Variants in FAM241A observed in about 807,000 individuals in gnomAD.
FAM241A encodes the protein uncharacterized protein FAM241A.
A neutral mutation model predicts 12.2 loss-of-function variants in FAM241A; 7 were observed. The observed-to-expected ratio is 0.58, with a 90% CI of 0.33 to 1.08. The LOEUF is 1.08. Among genes scored for constraint, FAM241A ranks in the 50% least tolerant of loss-of-function variants. The pLI is 0.04. For missense variants in FAM241A, 161 were observed against 169.7 expected (o/e 0.95, Z 0.29); for synonymous variants, 74 against 68.2 (o/e 1.08, Z -0.42).
intron 1 of FAM241A, among the ~76,000 whole-genome samples, chr4:112,181,422 T>C (rs1220362909): frequency 6.6e-6 from 1 of 152,198 alleles, no homozygotes; most frequent in Non-Finnish European, 1.5e-5. Context: ...ATTCAACAAA[T>C]ATTTATTGAG....
intron 1 of FAM241A, among the ~76,000 whole-genome samples, chr4:112,148,353 A>G (rs1214849135): frequency 1.3e-5 from 2 of 152,092 alleles, no homozygotes; most frequent in East Asian, 1.9e-4. Context: ...TCATATATAT[A>G]TGAAATATAT....
intron 1 of FAM241A, among the ~76,000 whole-genome samples, chr4:112,160,882 A>G (rs1405523725): frequency 1.3e-5 from 2 of 152,058 alleles, no homozygotes; most frequent in South Asian, 2.1e-4. Flanking sequence ...CTACATCCTT[A>G]TCTCTCGCCA....
At chr4:112,180,230 G>A (rs1465387910) in intron 1 of FAM241A, among the ~76,000 whole-genome samples, 1 of 151,934 alleles carries the variant, frequency 6.6e-6, no homozygotes, top group Non-Finnish European at 1.5e-5. Flanking sequence ...TGGAGTGTGG[G>A]TTGAAAAACT....
chr4:112,186,938 A>C lies in FAM241A; in HGVS notation c.399A>C (p.Ter133TyrextTer17), dbSNP rs1688605697. 1 of 1,609,722 alleles carries C rather than the reference A, an allele frequency of 6.2e-7. No individual in the cohort carries two copies. The highest frequency in any genetic ancestry group is 1.1e-5 in the South Asian group (1 of 90,530). The change falls in exon 2 of 2, where the codon TAA becomes TAC. Residue 133 changes from the stop codon to tyrosine, a stop_lost. Coordinates refer to ENST00000309733, the MANE Select transcript of FAM241A (RefSeq NM_152400.3). ...LCLVIIYVQQ[*>Y] The stretch of plus-strand genomic sequence containing the variant: ...TTGTTATTATTTATGTGCAACAGTA[A>C]AACATGGCCGAATTGAATTGTTTGA...
chr4:112,190,274 C>T lies in FAM241A; in HGVS notation c.*3336C>T, dbSNP rs1044587979. 2.6e-5 allele frequency: 4 copies of T among 152,032 alleles called. No individual in the cohort carries two copies. Among genetic ancestry groups the T allele is most frequent in the Admixed American group, 6.5e-5 (1 of 15,278 alleles). 9.4% of individuals were successfully genotyped at this position (152,032 alleles called of 1,614,324 possible). ...AGGTTTGGAGCAATCAAAGGCTATT[C>T]GTGTGGTTCATAGATTGTTTTAATA... On this transcript the variant is annotated 3_prime_UTR_variant, in exon 2 of 2. Transcript: ENST00000309733.
chr4:112,163,328 G>A (rs547330016), intron 1 of FAM241A, among the ~76,000 whole-genome samples: 1 of 152,114 alleles, frequency 6.6e-6, no homozygotes, highest in African/African-American at 2.4e-5. Context: ...TTAAACTAAA[G>A]AGCTTCTGCA....
chr4:112,168,212 GT>G (rs67523519), intron 1 of FAM241A, among the ~76,000 whole-genome samples: 4,509 of 152,254 alleles, frequency 0.03, 182 homozygotes, highest in East Asian at 0.16. Context: ...TTTTCAAAGA[GT>G]TTTTTCACAA....
rs139318495 is a variant in FAM241A, at chr4:112,175,047, A to T, written c.154-11646A>T. Among the ~76,000 whole-genome samples, 640 of 152,298 alleles carry T rather than the reference A, an allele frequency of 4.2e-3. 7 individuals carry two copies. The highest frequency in any genetic ancestry group is 0.015 in the African/African-American group (613 of 41,550). ...AAGTGCTTACCACAATATCTAGCAGATGGGTGAATTCTGATTAGTGGTAGC... is the reference window on the plus strand; with the variant it reads ...AAGTGCTTACCACAATATCTAGCAGTTGGGTGAATTCTGATTAGTGGTAGC... On this transcript the variant is annotated intron_variant, in intron 1 of 1. Transcript: ENST00000309733.
intron 1 of FAM241A, among the ~76,000 whole-genome samples, chr4:112,183,162 T>C (rs1578379973): frequency 6.6e-6 from 1 of 152,170 alleles, no homozygotes; most frequent in East Asian, 1.9e-4. Flanking sequence ...TTCATCAGAT[T>C]ACCCAGATTA....
intron 1 of FAM241A, among the ~76,000 whole-genome samples, chr4:112,176,669 G>T (rs574390492): frequency 4.7e-4 from 72 of 152,046 alleles, no homozygotes; most frequent in African/African-American, 1.6e-3. Context: ...ATTAATTTGG[G>T]GTATCTTTTA....
rs956574921 is a variant in FAM241A, at chr4:112,164,144, T to G, written c.153+18411T>G. Among the ~76,000 whole-genome samples the G allele has an allele frequency of 1.7e-4, 25 of 148,468 alleles. 1 individual carries two copies. Among genetic ancestry groups the G allele is most frequent in the Admixed American group, 3.4e-4 (5 of 14,744 alleles). On this transcript the variant is annotated intron_variant, in intron 1 of 1. Coordinates refer to ENST00000309733, the MANE Select transcript of FAM241A (RefSeq NM_152400.3). ...TGGGGGGAAGGGGAAGGGATAGCAT[T>G]AGGGGATATACCTAATGTAAATGAC...
At chr4:112,155,734 T>C (rs963028515) in intron 1 of FAM241A, among the ~76,000 whole-genome samples, 4 of 152,104 alleles carry the variant, frequency 2.6e-5, no homozygotes, top group African/African-American at 7.2e-5. Context: ...TTTTTACCTA[T>C]CAAGTTGTCA....
rs151196640 is a variant in FAM241A at position 112,173,772 on chromosome 4, G to A, written c.154-12921G>A. On this transcript the variant is annotated intron_variant, in intron 1 of 1. Transcript: ENST00000309733. ...GAGAACTAGCTACCTACCATACAGC[G>A]TCCTCTGATTCAGCCTCACAGAAGT... 1.9e-4 allele frequency among the ~76,000 whole-genome samples: 29 copies of A among 152,158 alleles called. 1 individual carries two copies. In the East Asian group the frequency reaches 2.5e-3, roughly 13 times the overall value.
At chr4:112,181,420 A>C (rs1300675080) in intron 1 of FAM241A, among the ~76,000 whole-genome samples, 1 of 152,176 alleles carries the variant, frequency 6.6e-6, no homozygotes, top group Non-Finnish European at 1.5e-5. Flanking sequence ...TTATTCAACA[A>C]ATATTTATTG....
chr4:112,168,813 C>T (rs1723653107), intron 1 of FAM241A, among the ~76,000 whole-genome samples: 2 of 152,060 alleles, frequency 1.3e-5, no homozygotes, highest in Non-Finnish European at 2.9e-5. Flanking sequence ...TACAGGTGTG[C>T]ACCCCCACAC....
intron 1 of FAM241A, among the ~76,000 whole-genome samples, chr4:112,167,302 A>G (rs574611171): frequency 6.6e-6 from 1 of 152,220 alleles, no homozygotes; most frequent in African/African-American, 2.4e-5. Flanking sequence ...ATAAGCCCCT[A>G]AGGAGTTCTA....
rs553800033 is a variant in FAM241A at position 112,188,978 on chromosome 4, C to T, written c.*2040C>T. On this transcript the variant is annotated 3_prime_UTR_variant, in exon 2 of 2. Transcript: ENST00000309733. ...TATTTGGCTTTGATATGGGAAAAAA[C>T]AAACTTTGCCTATGTAATGGAAATA... 1 of 152,054 alleles carries T rather than the reference C, an allele frequency of 6.6e-6. No homozygotes were observed. The highest frequency in any genetic ancestry group is 1.5e-5 in the Non-Finnish European group (1 of 67,980). The allele number at this position is 152,054 out of a possible 1,614,324, so 9.4% of individuals were successfully genotyped here.
At chr4:112,156,643 C>T (rs974068451) in intron 1 of FAM241A, among the ~76,000 whole-genome samples, 2 of 152,178 alleles carry the variant, frequency 1.3e-5, no homozygotes, top group Non-Finnish European at 2.9e-5. Flanking sequence ...TGCTGAAGAA[C>T]TGTGACTTCC....
At chr4:112,158,545 G>T (rs372890281) in intron 1 of FAM241A, among the ~76,000 whole-genome samples, 26 of 152,150 alleles carry the variant, frequency 1.7e-4, no homozygotes, top group African/African-American at 4.8e-4. Context: ...CATTAATCTT[G>T]TGTTGTAGTA....
Sources: gnomAD v4.1 joint callset for allele counts (sites outside exome capture counted in the v4.1 genomes callset) on GRCh38, gnomAD v4.1.1 for gene constraint, MANE v1.5 for transcripts, NCBI Gene and HGNC (gene_info 2026-07-23, HGNC 2026-07-21) for gene names.